RAD51B: variants seen among roughly 807,000 people sequenced by gnomAD.
RAD51B encodes the protein DNA repair protein RAD51 homolog 2.
Under a neutral mutation model 42.2 loss-of-function variants are expected in RAD51B, and 38 were observed. The observed-to-expected ratio is 0.90, with a 90% confidence interval of 0.70 to 1.18. The LOEUF is 1.18. Among genes scored for constraint, RAD51B ranks in the 50% most tolerant of loss-of-function variants. The probability of loss-of-function intolerance (pLI) is 0.00; values close to 1 mark genes in which losing one functional copy is unlikely to be tolerated. For missense variants in RAD51B, 373 were observed against 400.7 expected (o/e 0.93, Z 0.59); for synonymous variants, 154 against 145.2 (o/e 1.06, Z -0.43).
chr14:68,381,782 G>T (rs1313131296), intron 8 of RAD51B, among the ~76,000 whole-genome samples: 1 of 152,166 alleles, frequency 6.6e-6, no homozygotes, highest in Non-Finnish European at 1.5e-5. Flanking sequence ...AGTGGATTGG[G>T]TTAAAATGAA....
intron 9 of RAD51B, among the ~76,000 whole-genome samples, chr14:68,423,105 G>A (rs2084749840): frequency 6.6e-6 from 1 of 152,136 alleles, no homozygotes; most frequent in Admixed American, 6.5e-5. Flanking sequence ...GAACACCTTT[G>A]GAGAGCCCAG....
chr14:68,631,713 C>T (rs547134926), intron 10 of RAD51B, among the ~76,000 whole-genome samples: 5 of 152,208 alleles, frequency 3.3e-5, no homozygotes, highest in East Asian at 1.9e-4. Context: ...AGCCTTTGCA[C>T]GGTCTGTTCC....
chr14:68,342,028 C>T (rs1248582823), intron 8 of RAD51B, among the ~76,000 whole-genome samples: 3 of 152,102 alleles, frequency 2.0e-5, no homozygotes, highest in Non-Finnish European at 4.4e-5. Context: ...TTCATATTCA[C>T]TCTAATTCCC....
At chr14:68,301,636 G>A (rs939371166) in intron 8 of RAD51B, among the ~76,000 whole-genome samples, 13 of 127,456 alleles carry the variant, frequency 1.0e-4, no homozygotes, top group African/African-American at 2.2e-4. Context: ...TTACTCCATC[G>A]CCCAGGCTGG....
chr14:68,283,639 A>G (rs2081362173), intron 7 of RAD51B, among the ~76,000 whole-genome samples: 1 of 152,202 alleles, frequency 6.6e-6, no homozygotes, highest in South Asian at 2.1e-4. Context: ...GAAACAGCAC[A>G]CTAGCTTGCT....
At chr14:67,927,690 A>G (rs1474098326) in intron 7 of RAD51B, among the ~76,000 whole-genome samples, 2 of 145,218 alleles carry the variant, frequency 1.4e-5, no homozygotes, top group African/African-American at 5.5e-5. Flanking sequence ...ATGGCTGAAT[A>G]GTATTTCATT....
chr14:68,469,067 G>A (rs942796493), intron 10 of RAD51B: 2 of 505,726 alleles, frequency 4.0e-6, no homozygotes, highest in Non-Finnish European at 8.0e-6. Context: ...GAAGTGCTCA[G>A]GATATACATC....
rs564556207 is a variant in RAD51B, at chr14:68,075,403, C to T, written c.756+188199C>T. 6.6e-5 allele frequency among the ~76,000 whole-genome samples: 10 copies of T among 152,228 alleles called. No individual in the cohort carries two copies. The East Asian group carries it at 9.7e-4, about 15-fold the overall frequency. On this transcript the variant is annotated intron_variant, in intron 7 of 10. Coordinates refer to ENST00000471583, the MANE Select transcript of RAD51B (RefSeq NM_133510.4). Reference sequence around the variant, plus strand: ...CTCTGGGAGCTCCACCCCAGAAAAACAGAGCTGTTGCCAGTGGGAATGTTC... The same window carrying T: ...CTCTGGGAGCTCCACCCCAGAAAAATAGAGCTGTTGCCAGTGGGAATGTTC...
Position 68,468,580 on chromosome 14 carries a change from A to T in RAD51B, c.1036+330A>T, listed in dbSNP as rs1404516401. On this transcript the variant is annotated intron_variant, in intron 10 of 10. Coordinates refer to ENST00000471583, the MANE Select transcript of RAD51B (RefSeq NM_133510.4). The stretch of plus-strand genomic sequence containing the variant: ...ATCCTATGGCATGAAGTGGGCAATG[A>T]TTCTGACACCAGTGTGGAGGTGAGG... The T allele has an allele frequency of 1.3e-5, 5 of 373,888 alleles. No homozygotes were observed. The East Asian group carries it at 2.6e-4, about 20-fold the overall frequency. 23.2% of individuals were successfully genotyped at this position (373,888 alleles called of 1,614,324 possible).
chr14:68,060,541 T>G (rs1363995327), intron 7 of RAD51B, among the ~76,000 whole-genome samples: 1 of 152,250 alleles, frequency 6.6e-6, no homozygotes, highest in Admixed American at 6.5e-5. Context: ...AATAAATTAC[T>G]TCTTACAGTT....
At chr14:68,594,336 A>G in intron 10 of RAD51B, 1 of 630,308 alleles carries the variant, frequency 1.6e-6, no homozygotes, top group Non-Finnish European at 2.4e-6. Flanking sequence ...ATTCTTTTGC[A>G]CATGTCTACC....
At chr14:68,334,195 A>G (rs760737754) in intron 8 of RAD51B, among the ~76,000 whole-genome samples, 9 of 152,172 alleles carry the variant, frequency 5.9e-5, no homozygotes, top group Non-Finnish European at 4.4e-5. Flanking sequence ...TCAGAAATCC[A>G]CAAATACCTT....
At chr14:68,632,968 C>CTTTTTTTTTTTTT (rs397852024) in intron 10 of RAD51B, among the ~76,000 whole-genome samples, 58 of 59,416 alleles carry the variant, frequency 9.8e-4, no homozygotes, top group Non-Finnish European at 1.4e-3. Context: ...TTTTCTTTTT[C>CTTTTTTTTTTTTT]TTTTTTTTTT....
intron 8 of RAD51B, among the ~76,000 whole-genome samples, chr14:68,389,927 A>G (rs1409610394): frequency 6.6e-6 from 1 of 152,150 alleles, no homozygotes; most frequent in African/African-American, 2.4e-5. Context: ...ACTGTTTTAA[A>G]CCTAGGTATT....
At chr14:67,917,337 T>A (rs1210020423) in intron 7 of RAD51B, among the ~76,000 whole-genome samples, 3 of 152,186 alleles carry the variant, frequency 2.0e-5, no homozygotes, top group African/African-American at 7.2e-5. Flanking sequence ...CTTTTACTTA[T>A]GGTGGATGGC....
chr14:68,511,665 A>G lies in RAD51B; in HGVS notation c.1036+43415A>G, dbSNP rs542420661. On this transcript the variant is annotated intron_variant, in intron 10 of 10. Transcript: ENST00000487270. ...ACACATGTAAGAACTAGTCTACAAT[A>G]AAGAAGCTATTAAGGCGTGTTCAGA... is the stretch of plus-strand genomic sequence containing the variant. Among the ~76,000 whole-genome samples, 6 of 152,350 alleles carry G rather than the reference A, an allele frequency of 3.9e-5. No individual in the cohort carries two copies. The South Asian group carries it at 1.2e-3, about 32-fold the overall frequency.
chr14:68,559,249 G>T (rs1016622512), intron 10 of RAD51B, among the ~76,000 whole-genome samples: 4 of 151,846 alleles, frequency 2.6e-5, no homozygotes, highest in Non-Finnish European at 5.9e-5. Flanking sequence ...ACAAATATCT[G>T]TACAAACACC....
chr14:68,274,593 G>A (rs2081184897), intron 7 of RAD51B, among the ~76,000 whole-genome samples: 1 of 152,106 alleles, frequency 6.6e-6, no homozygotes. Context: ...GCATTTGGTT[G>A]TTATATCCTT....
At chr14:67,834,632 T>C (rs1036702583) in intron 3 of RAD51B, among the ~76,000 whole-genome samples, 1 of 152,130 alleles carries the variant, frequency 6.6e-6, no homozygotes, top group Non-Finnish European at 1.5e-5. Flanking sequence ...CCCTGTTTCC[T>C]CTCTTGCTTC....
Sources: allele counts gnomAD v4.1 joint callset (sites outside exome capture counted in the v4.1 genomes callset), GRCh38; gene constraint gnomAD v4.1.1; transcripts MANE v1.5; gene names NCBI Gene and HGNC (gene_info 2026-07-23, HGNC 2026-07-21).